MUTYH: variants seen among roughly 807,000 people sequenced by gnomAD.
MUTYH encodes the protein adenine DNA glycosylase.
MUTYH carries 64 observed loss-of-function variants against 72.9 expected under a neutral mutation model. The ratio of observed to expected loss-of-function variants is 0.88; its 90% CI spans 0.72 to 1.08. The LOEUF (loss-of-function observed/expected upper bound fraction) is 1.08, where lower values mean the gene tolerates loss of function less well. Ranked by LOEUF, MUTYH falls within the 50% of genes least tolerant of loss-of-function variation. The pLI, the probability that MUTYH is intolerant of heterozygous loss-of-function variation, is 0.00. For missense variants in MUTYH, 633 were observed against 671.0 expected, an observed-to-expected ratio of 0.94 and a Z score of 0.63; for synonymous variants, 234 against 263.1, an observed-to-expected ratio of 0.89 and a Z score of 1.07.
At chr1:45,331,888 G>A (rs1424087264) in intron 11 of MUTYH, 39 bp from the exon 12 acceptor site, 1 of 1,604,244 alleles carries the variant, frequency 6.2e-7, no homozygotes, top group African/African-American at 1.3e-5. Flanking sequence ...CAAGCCAAGA[G>A]GGCTTTAGGG....
At position 45,332,752 on chromosome 1, in the gene MUTYH, C is replaced by T; in HGVS notation, c.492+11G>A. On this transcript the variant is annotated intron_variant, in intron 7 of 15. Transcript: ENST00000456914. ...GACTCCTGGGTTCCTACCCTCCTGCCATCCCCTTACCTTCCGAGCTCCCTC... is the reference window on the plus strand; with the variant it reads ...GACTCCTGGGTTCCTACCCTCCTGCTATCCCCTTACCTTCCGAGCTCCCTC... The T allele has an allele frequency of 6.2e-7, 1 of 1,614,170 alleles. No individual in the cohort carries two copies. Among genetic ancestry groups the T allele is most frequent in the East Asian group, 2.2e-5 (1 of 44,884 alleles).
chr1:45,332,106 G>A lies in MUTYH; in HGVS notation c.850-20C>T, dbSNP rs910410849. 1.9e-6 allele frequency: 3 copies of A among 1,614,228 alleles called. No homozygotes were observed. The Admixed American group carries it at 5.0e-5, about 27-fold the overall frequency. Reference sequence around the variant, plus strand: ...CTCCACCTGAGAGGCACAGGGTTGAGTGTCATAGGGCAGAGTCACTCCTTA... The same window carrying A: ...CTCCACCTGAGAGGCACAGGGTTGAATGTCATAGGGCAGAGTCACTCCTTA... On this transcript the variant is annotated intron_variant, in intron 10 of 15. Transcript: ENST00000456914.
At chr1:45,331,054 C>CAG in intron 14 of MUTYH, 128 bp downstream of exon 14, 1 of 1,313,816 alleles carries the variant, frequency 7.6e-7, no homozygotes, top group African/African-American at 1.5e-5. Flanking sequence ...CATTGCACTC[C>CAG]AGCCTGGGCA....
upstream of MUTYH, chr1:45,340,257 C>A (rs748689064): frequency 9.9e-6 from 16 of 1,613,788 alleles, no homozygotes; most frequent in Non-Finnish European, 1.4e-5. Context: ...GGTGTCATGG[C>A]CGCCGACAGT....
chr1:45,336,834 G>C (rs1292139494), intron 1 of MUTYH, among the ~76,000 whole-genome samples: 2 of 152,094 alleles, frequency 1.3e-5, no homozygotes, highest in Non-Finnish European at 2.9e-5. Context: ...ATAAACTCAC[G>C]AACTCTGTAG....
At chr1:45,334,694 T>C (rs1005505806) in intron 1 of MUTYH, among the ~76,000 whole-genome samples, 183 bp from the exon 2 acceptor site, 2 of 152,192 alleles carry the variant, frequency 1.3e-5, no homozygotes, top group African/African-American at 2.4e-5. Context: ...ACAACTAGTA[T>C]AGCTGAGCAA....
At position 45,339,952 on chromosome 1, in the gene MUTYH, G is replaced by A. The variant is rs185172591; in HGVS notation, c.-60C>T. 1,236 of 1,493,646 alleles carry A rather than the reference G, an allele frequency of 8.3e-4. 38 individuals carry two copies. In the East Asian group the frequency reaches 0.03, roughly 36 times the overall value. 92.5% of individuals were successfully genotyped at this position (1,493,646 alleles called of 1,614,324 possible). ...AACACGGAGGCCCCGCGTTCCCGCC[G>A]CGAGAGCAGGAGAGAAAGATTACCT... On this transcript the variant is annotated 5_prime_UTR_variant, in exon 1 of 16. Transcript: ENST00000456914.
chr1:45,340,278 C>G (rs1305609192), upstream of MUTYH: 3 of 1,613,696 alleles, frequency 1.9e-6, no homozygotes, highest in African/African-American at 1.3e-5. Context: ...GACGATGGCG[C>G]AGTTTCAGCT....
intron 1 of MUTYH, among the ~76,000 whole-genome samples, chr1:45,337,858 T>C (rs776034315): frequency 6.6e-6 from 1 of 152,214 alleles, no homozygotes; most frequent in African/African-American, 2.4e-5. Flanking sequence ...GGAGCTTATA[T>C]TCTAATGGGG....
chr1:45,332,525 G>C (rs1323380009), intron 8 of MUTYH, 37 bp from the exon 9 acceptor site: 1 of 1,614,034 alleles, frequency 6.2e-7, no homozygotes, highest in Admixed American at 1.7e-5. Context: ...CCTGGGCTGG[G>C]AGGAAGGAGG....
intron 1 of MUTYH, among the ~76,000 whole-genome samples, chr1:45,336,562 A>G (rs1449324571): frequency 2.6e-5 from 4 of 151,318 alleles, no homozygotes; most frequent in African/African-American, 4.9e-5. Flanking sequence ...GTTCTTTATA[A>G]TCTCCCCACC....
In MUTYH at chr1:45,334,559, A is replaced by G. The variant is rs1463144740; in HGVS notation, c.-6-48T>C. On this transcript the variant is annotated intron_variant, in intron 1 of 15. Coordinates refer to ENST00000456914, the MANE Select transcript of MUTYH (RefSeq NM_001048174.2). ...AAGCAGTCAGTCACAATGAGGCCAAATTTTGAGGCCTTCCAAGGGTGATAG... is the reference window on the plus strand; with the variant it reads ...AAGCAGTCAGTCACAATGAGGCCAAGTTTTGAGGCCTTCCAAGGGTGATAG... The G allele has an allele frequency of 1.9e-6, 3 of 1,613,010 alleles. No individual in the cohort carries two copies. In the Admixed American group the frequency reaches 5.0e-5, roughly 27 times the overall value.
At chr1:45,335,469 A>G (rs563578461) in intron 1 of MUTYH, among the ~76,000 whole-genome samples, 57 of 151,956 alleles carry the variant, frequency 3.8e-4, no homozygotes, top group Non-Finnish European at 6.5e-4. Context: ...AAAAAAAAAA[A>G]CCAACTTCAA....
Position 45,332,180 on chromosome 1 carries a change from G to C in MUTYH, c.835C>G (p.Arg279Gly), listed in dbSNP as rs759822330. The C allele has an allele frequency of 6.2e-7, 1 of 1,614,198 alleles. No individual in the cohort carries two copies. The highest frequency in any genetic ancestry group is 1.3e-5 in the African/African-American group (1 of 75,046). The part of the protein sequence containing the change: ...CSQCPVESLC[R>G]ARQRVEQEQL... ...AGTAGGCTTACTCTCTGGCGTGCCC[G>C]GCACAGGCTCTCCACAGGGCACTGG... The change falls in exon 10 of 16, where the codon CGG becomes GGG. Residue 279 changes from arginine (R) to glycine (G), a missense_variant. Arg to Gly is a moderately radical substitution (Grantham distance 125). Transcript: ENST00000456914.
chr1:45,334,532 C>A, intron 1 of MUTYH, 21 bp from the exon 2 acceptor site: 2 of 1,613,928 alleles, frequency 1.2e-6, no homozygotes, highest in South Asian at 1.1e-5. Context: ...AAGACCCAGC[C>A]AAAGCAGTCA....
At chr1:45,331,076 C>T in intron 14 of MUTYH, 106 bp downstream of exon 14, 1 of 1,484,704 alleles carries the variant, frequency 6.7e-7, no homozygotes, top group African/African-American at 1.4e-5. Flanking sequence ...CAGAGCGATT[C>T]TCCGTCTCAA....
At position 45,332,309 on chromosome 1, in the gene MUTYH, C is replaced by T. The variant is rs1328890188; in HGVS notation, c.706G>A (p.Gly236Ser). 1 of 1,613,972 alleles carries T rather than the reference C, an allele frequency of 6.2e-7. No homozygotes were observed. The highest frequency in any genetic ancestry group is 8.5e-7 in the Non-Finnish European group (1 of 1,180,008). ...SSTLVSQQLW[G>S]LAQQLVDPAR... is the part of the protein sequence containing the mutation. ...GGGTCCACCAGCTGCTGGGCTAGAC[C>T]CCTAAAAGAAGGGAACACTGCTGTG... The change falls in exon 10 of 16, where the codon GGT becomes AGT. Residue 236 changes from glycine (G) to serine (S), a missense_variant and splice_region_variant. Transcript: ENST00000456914.
intron 1 of MUTYH, chr1:45,339,686 G>A (rs1225215183): frequency 3.9e-6 from 2 of 509,696 alleles, no homozygotes; most frequent in South Asian, 3.5e-5. Flanking sequence ...TACACCCTGG[G>A]CAGCCTCCTC....
chr1:45,340,373 T>C (rs1646846565), upstream of MUTYH: 87 of 1,559,784 alleles, frequency 5.6e-5, 2 homozygotes, highest in South Asian at 1.0e-3. Context: ...CTCGGGCTCA[T>C]AGTTCTAGAG....
Sources: gnomAD v4.1 joint callset for allele counts (sites outside exome capture counted in the v4.1 genomes callset) on GRCh38, gnomAD v4.1.1 for gene constraint, MANE v1.5 for transcripts, NCBI Gene and HGNC (gene_info 2026-07-23, HGNC 2026-07-21) for gene names.